Variants in GARRE1 observed in about 807,000 individuals in gnomAD.
GARRE1 encodes the protein granule associated Rac and RHOG effector 1.
Under a neutral mutation model 103.2 loss-of-function variants are expected in GARRE1, and 49 were observed. The observed-to-expected ratio is 0.47, with a 90% confidence interval of 0.38 to 0.60. GARRE1 has a LOEUF of 0.60. Among genes scored for constraint, GARRE1 ranks in the 20% least tolerant of loss-of-function variants. The pLI, the probability that GARRE1 is intolerant of heterozygous loss-of-function variation, is 0.00. For synonymous variants in GARRE1, 505 were observed against 532.8 expected, an observed-to-expected ratio of 0.95 and a Z score of 0.72; for missense variants, 1,199 against 1,370.5, an observed-to-expected ratio of 0.87 and a Z score of 1.98.
intron 1 of GARRE1, among the ~76,000 whole-genome samples, chr19:34,262,281 C>A: frequency 1.6e-5 from 1 of 62,768 alleles, no homozygotes. Context: ...CCATGCCCAG[C>A]TGCTGCTTTT....
chr19:34,265,962 T>G (rs1351294862), intron 1 of GARRE1, among the ~76,000 whole-genome samples: 2 of 152,248 alleles, frequency 1.3e-5, no homozygotes, highest in Non-Finnish European at 2.9e-5. Context: ...CAGTAACTAC[T>G]GCATTTTGGA....
Position 34,300,599 on chromosome 19 carries a change from T to C in GARRE1, c.126T>C (p.Ser42=). 1 of 1,613,466 alleles carries C rather than the reference T, an allele frequency of 6.2e-7. No homozygotes were observed. The highest frequency in any genetic ancestry group is 8.5e-7 in the Non-Finnish European group (1 of 1,180,028). The change falls in exon 2 of 14, where the codon AGT becomes AGC. Residue 42 remains serine (S), a synonymous_variant. Transcript: ENST00000299505. ...YPMPELGRAL[S]APLASTATTA... The stretch of plus-strand genomic sequence containing the variant: ...TGCCTGAGCTGGGCCGAGCACTGAG[T>C]GCTCCCCTGGCATCCACGGCCACCA...
chr19:34,302,009 T>TTTA (rs2073982017), intron 2 of GARRE1, among the ~76,000 whole-genome samples: 1 of 108,878 alleles, frequency 9.2e-6, no homozygotes, highest in East Asian at 2.7e-4. Flanking sequence ...TTTTTTTTTT[T>TTTA]AAGTCAGTTT....
chr19:34,343,359 C>T (rs2074196000), intron 10 of GARRE1, among the ~76,000 whole-genome samples: 1 of 151,480 alleles, frequency 6.6e-6, no homozygotes, highest in African/African-American at 2.4e-5. Context: ...ATCCCTTGAC[C>T]CCAGGATTTT....
At chr19:34,292,978 G>T (rs1290654964) in intron 1 of GARRE1, among the ~76,000 whole-genome samples, 5 of 152,088 alleles carry the variant, frequency 3.3e-5, no homozygotes, top group African/African-American at 1.2e-4. Flanking sequence ...CAAAGTGCTG[G>T]GATTACAGTC....
intron 2 of GARRE1, among the ~76,000 whole-genome samples, chr19:34,318,367 T>A (rs1466274251): frequency 6.6e-6 from 1 of 152,216 alleles, no homozygotes; most frequent in African/African-American, 2.4e-5. Flanking sequence ...GGACAGTGCA[T>A]GGGCACTGTG....
Position 34,341,844 on chromosome 19 carries a change from G to C in GARRE1, c.1910G>C (p.Gly637Ala). ...LHGDDGKDEKGMNLPTDQEMQ... is the reference protein window; with the variant it reads ...LHGDDGKDEKAMNLPTDQEMQ... ...GGAGATGACGGCAAGGATGAGAAGGGTATGAACTTACCAACTGATCAGGAA... is the reference window on the plus strand; with the variant it reads ...GGAGATGACGGCAAGGATGAGAAGGCTATGAACTTACCAACTGATCAGGAA... Residue 637 changes from glycine (G) to alanine (A), a missense_variant, in exon 10 of 14, where the codon GGT (glycine) becomes GCT (alanine). Coordinates refer to ENST00000299505, the MANE Select transcript of GARRE1 (RefSeq NM_014686.5). The C allele has an allele frequency of 6.2e-7, 1 of 1,614,168 alleles. No homozygotes were observed. Among genetic ancestry groups the C allele is most frequent in the African/African-American group, 1.3e-5 (1 of 75,042 alleles).
At chr19:34,323,311 G>C (rs1033226345) in intron 3 of GARRE1, among the ~76,000 whole-genome samples, 4 of 152,126 alleles carry the variant, frequency 2.6e-5, no homozygotes, top group African/African-American at 9.7e-5. Flanking sequence ...GATTACAGGC[G>C]TGAGCCACGG....
chr19:34,277,472 A>AGTTTCTCT (rs1208729298), intron 1 of GARRE1, among the ~76,000 whole-genome samples: 2 of 152,134 alleles, frequency 1.3e-5, no homozygotes, highest in Non-Finnish European at 2.9e-5. Flanking sequence ...TGAAATTTGG[A>AGTTTCTCT]GTTTCTCTGT....
intron 2 of GARRE1, among the ~76,000 whole-genome samples, chr19:34,304,790 A>T (rs1331427349): frequency 2.7e-5 from 4 of 145,654 alleles, no homozygotes; most frequent in Middle Eastern, 3.5e-3. Flanking sequence ...TTTATTTTTT[A>T]TTTATTTATT....
Position 34,300,371 on chromosome 19 carries a change from C to G in GARRE1, c.-103C>G. 1 of 1,387,168 alleles carries G rather than the reference C, an allele frequency of 7.2e-7. No homozygotes were observed. Among genetic ancestry groups the G allele is most frequent in the South Asian group, 1.5e-5 (1 of 65,166 alleles). The allele number at this position is 1,387,168 out of a possible 1,614,324, so 85.9% of individuals were successfully genotyped here. On this transcript the variant is annotated 5_prime_UTR_variant, in exon 2 of 14. Coordinates refer to ENST00000299505, the MANE Select transcript of GARRE1 (RefSeq NM_014686.5). The stretch of plus-strand genomic sequence containing the variant: ...CATGGAAATGCCTTTTTTAAAACTT[C>G]GATTTGCAGAACTCCACTATTTTTA...
chr19:34,305,847 G>GT (rs539054861), intron 2 of GARRE1, among the ~76,000 whole-genome samples: 2 of 152,164 alleles, frequency 1.3e-5, no homozygotes, highest in African/African-American at 2.4e-5. Context: ...ATACTACCAT[G>GT]TTTTTTTGTA....
intron 1 of GARRE1, among the ~76,000 whole-genome samples, chr19:34,280,488 A>G (rs2073845300): frequency 6.6e-6 from 1 of 152,152 alleles, no homozygotes; most frequent in Admixed American, 6.6e-5. Context: ...TATGTGATTT[A>G]TAAATATTTT....
At chr19:34,306,198 A>G (rs1465314216) in intron 2 of GARRE1, among the ~76,000 whole-genome samples, 1 of 152,200 alleles carries the variant, frequency 6.6e-6, no homozygotes, top group Non-Finnish European at 1.5e-5. Context: ...TCACTTTGAC[A>G]TTCATCCCTG....
chr19:34,352,549 C>T (rs1474032661), intron 13 of GARRE1, 98 bp from the exon 14 acceptor site: 15 of 1,012,956 alleles, frequency 1.5e-5, no homozygotes, highest in Admixed American at 3.8e-5. Context: ...GGCTCTCACC[C>T]GGCTTCCTAG....
At chr19:34,276,239 C>T (rs1353385460) in intron 1 of GARRE1, among the ~76,000 whole-genome samples, 1 of 152,062 alleles carries the variant, frequency 6.6e-6, no homozygotes, top group African/African-American at 2.4e-5. Context: ...GATGGGGTTT[C>T]GCCATGTTGA....
At position 34,341,793 on chromosome 19, in the gene GARRE1, T is replaced by A; in HGVS notation, c.1859T>A (p.Met620Lys). Residue 620 changes from methionine (M) to lysine (K), a missense_variant, in exon 10 of 14, where the codon ATG becomes AAG. Met to Lys is a moderately conservative substitution (Grantham distance 95). Coordinates refer to ENST00000299505, the MANE Select transcript of GARRE1 (RefSeq NM_014686.5). The part of the protein sequence containing the change: ...SSNTVANGFL[M>K]ERRENFLHGD... Reference sequence around the variant, plus strand: ...AATACAGTGGCCAATGGCTTTCTCATGGAGAGGCGTGAGAACTTCCTGCAT... The same window carrying A: ...AATACAGTGGCCAATGGCTTTCTCAAGGAGAGGCGTGAGAACTTCCTGCAT... 5 of 1,614,174 alleles carry A rather than the reference T, an allele frequency of 3.1e-6. No homozygotes were observed. The highest frequency in any genetic ancestry group is 4.2e-6 in the Non-Finnish European group (5 of 1,180,000).
At chr19:34,289,406 C>T (rs1169008180) in intron 1 of GARRE1, among the ~76,000 whole-genome samples, 1 of 151,772 alleles carries the variant, frequency 6.6e-6, no homozygotes, top group Non-Finnish European at 1.5e-5. Context: ...CTCACCTCTG[C>T]ACTCCAGCCT....
chr19:34,325,071 T>C (rs1421380081), intron 3 of GARRE1, among the ~76,000 whole-genome samples: 1 of 149,424 alleles, frequency 6.7e-6, no homozygotes, highest in Non-Finnish European at 1.5e-5. Context: ...CTCACAGCAG[T>C]GTGGAGAATA....
Sources: gnomAD v4.1 joint callset for allele counts (sites outside exome capture counted in the v4.1 genomes callset) on GRCh38, gnomAD v4.1.1 for gene constraint, MANE v1.5 for transcripts, NCBI Gene and HGNC (gene_info 2026-07-23, HGNC 2026-07-21) for gene names.